Variants in WBP2NL observed in about 807,000 individuals in gnomAD.
The protein encoded by WBP2NL is WBP2 N-terminal like.
WBP2NL carries 27 observed loss-of-function variants against 23.3 expected under a neutral mutation model. The observed-to-expected ratio is 1.16, with a 90% CI of 0.85 to 1.60. The LOEUF (loss-of-function observed/expected upper bound fraction) is 1.60, where lower values mean the gene tolerates loss of function less well. Among genes scored for constraint, WBP2NL ranks in the 40% most tolerant of loss-of-function variants. The probability of loss-of-function intolerance (pLI) is 0.00; values close to 1 mark genes in which losing one functional copy is unlikely to be tolerated. For synonymous variants in WBP2NL, 151 were observed against 145.9 expected, an observed-to-expected ratio of 1.03 and a Z score of -0.25; for missense variants, 370 against 389.5, an observed-to-expected ratio of 0.95 and a Z score of 0.42.
At chr22:42,057,808 G>A (rs1339230277) in intron 8 of WBP2NL, among the ~76,000 whole-genome samples, 3 of 115,280 alleles carry the variant, frequency 2.6e-5, no homozygotes, top group African/African-American at 6.6e-5. Flanking sequence ...TTTTTAGATA[G>A]GAAAATTGTA....
downstream of WBP2NL, among the ~76,000 whole-genome samples, chr22:42,034,510 C>A (rs1473596505): frequency 6.6e-6 from 1 of 152,184 alleles, no homozygotes; most frequent in East Asian, 1.9e-4. Flanking sequence ...CAAGTGGAGG[C>A]AGGGTGAGAT....
Position 42,027,924 on chromosome 22 carries a change from T to C in WBP2NL, c.*743T>C. ...AAGGCAATAGCATGGCCAGAAAACGTTTGAAAAGATGTTCAGCTTGACTAG... is the reference window on the plus strand; with the variant it reads ...AAGGCAATAGCATGGCCAGAAAACGCTTGAAAAGATGTTCAGCTTGACTAG... On this transcript the variant is annotated 3_prime_UTR_variant, in exon 6 of 6. Transcript: ENST00000328823. 1 of 398,372 alleles carries C rather than the reference T, an allele frequency of 2.5e-6. No homozygotes were observed. Among genetic ancestry groups the C allele is most frequent in the Non-Finnish European group, 4.4e-6 (1 of 225,970 alleles). The allele number at this position is 398,372 out of a possible 1,614,324, so 24.7% of individuals were successfully genotyped here.
intron 8 of WBP2NL, among the ~76,000 whole-genome samples, chr22:42,038,721 G>T (rs2146814610): frequency 6.6e-6 from 1 of 151,926 alleles, no homozygotes; most frequent in South Asian, 2.1e-4. Context: ...TCCTGCCTCA[G>T]CCTCCCGAGT....
chr22:42,013,115 G>A (rs1259022947), intron 1 of WBP2NL, among the ~76,000 whole-genome samples: 7 of 152,022 alleles, frequency 4.6e-5, no homozygotes, highest in Non-Finnish European at 1.0e-4. Context: ...GCTTATGCCT[G>A]TAATCCCAGC....
At chr22:42,008,847 T>C (rs1012747881) in intron 1 of WBP2NL, among the ~76,000 whole-genome samples, 1 of 151,736 alleles carries the variant, frequency 6.6e-6, no homozygotes, top group African/African-American at 2.4e-5. Context: ...GGCACGATCT[T>C]GGCTGACTGC....
chr22:42,050,984 C>T (rs2146824544), intron 8 of WBP2NL, among the ~76,000 whole-genome samples: 1 of 152,254 alleles, frequency 6.6e-6, no homozygotes, highest in South Asian at 2.1e-4. Flanking sequence ...CAATTGTGCT[C>T]CTTGGTATTT....
chr22:42,014,292 C>T (rs1040120502), intron 1 of WBP2NL, among the ~76,000 whole-genome samples: 4 of 152,112 alleles, frequency 2.6e-5, no homozygotes, highest in East Asian at 1.9e-4. Context: ...GTGGTACAGT[C>T]GTGGCTCACT....
intron 8 of WBP2NL, among the ~76,000 whole-genome samples, chr22:42,048,888 A>G (rs1925706899): frequency 1.3e-5 from 2 of 152,218 alleles, no homozygotes; most frequent in Admixed American, 1.3e-4. Context: ...CTGTGGTGGC[A>G]AATGAGATGC....
intron 1 of WBP2NL, among the ~76,000 whole-genome samples, chr22:42,007,531 A>G (rs1168045904): frequency 6.6e-6 from 1 of 152,146 alleles, no homozygotes; most frequent in Admixed American, 6.6e-5. Context: ...TTTCCCAACA[A>G]TTCTGTTCCC....
intron 1 of WBP2NL, among the ~76,000 whole-genome samples, chr22:42,016,248 T>C (rs1164572579): frequency 6.6e-6 from 1 of 152,160 alleles, no homozygotes; most frequent in African/African-American, 2.4e-5. Context: ...CCCAAAGTGC[T>C]GAGATTACAG....
chr22:42,036,469 C>T (rs182932519), downstream of WBP2NL, among the ~76,000 whole-genome samples: 35 of 152,292 alleles, frequency 2.3e-4, no homozygotes, highest in Admixed American at 1.9e-3. Context: ...CCACCGTGCC[C>T]GGCCATGTGT....
downstream of WBP2NL, chr22:42,030,633 T>C (rs1390015078): frequency 6.6e-6 from 1 of 152,258 alleles, no homozygotes; most frequent in Non-Finnish European, 1.5e-5. Context: ...ACATGGGTCA[T>C]AGGATCTGGC....
chr22:42,048,861 A>G (rs1462149101), intron 8 of WBP2NL, among the ~76,000 whole-genome samples: 1 of 152,136 alleles, frequency 6.6e-6, no homozygotes, highest in Non-Finnish European at 1.5e-5. Context: ...TAAAAACCCT[A>G]CAGGTGACAT....
intron 8 of WBP2NL, among the ~76,000 whole-genome samples, chr22:42,052,133 G>C (rs1043793243): frequency 5.9e-5 from 9 of 152,026 alleles, no homozygotes; most frequent in African/African-American, 2.2e-4. Flanking sequence ...AGTGCAGATG[G>C]CTTTGTTCCA....
chr22:42,053,828 C>A (rs961648676), intron 8 of WBP2NL, among the ~76,000 whole-genome samples: 2 of 152,038 alleles, frequency 1.3e-5, no homozygotes, highest in Non-Finnish European at 2.9e-5. Flanking sequence ...TATTCAAATT[C>A]TTTGTCTATT....
At chr22:42,009,226 A>G (rs1321619192) in intron 1 of WBP2NL, among the ~76,000 whole-genome samples, 2 of 152,242 alleles carry the variant, frequency 1.3e-5, no homozygotes, top group Non-Finnish European at 2.9e-5. Context: ...AGCCCTTATC[A>G]TAAATACAAT....
intron 5 of WBP2NL, among the ~76,000 whole-genome samples, chr22:42,025,806 C>T (rs1189598440): frequency 1.3e-5 from 2 of 151,922 alleles, no homozygotes; most frequent in African/African-American, 4.8e-5. Flanking sequence ...GGAATGTAAC[C>T]CAAGGTAATA....
chr22:42,015,662 C>G (rs555149938), intron 1 of WBP2NL, among the ~76,000 whole-genome samples: 2 of 152,124 alleles, frequency 1.3e-5, no homozygotes, highest in African/African-American at 4.8e-5. Flanking sequence ...CTCAGCCTTC[C>G]GAAGTGCTAG....
chr22:42,017,256 C>T (rs1486625351), intron 1 of WBP2NL, among the ~76,000 whole-genome samples: 1 of 152,196 alleles, frequency 6.6e-6, no homozygotes, highest in Non-Finnish European at 1.5e-5. Flanking sequence ...GCTGAGATTA[C>T]AGGCATGTAC....
Sources: gnomAD v4.1 joint callset for allele counts (sites outside exome capture counted in the v4.1 genomes callset) on GRCh38, gnomAD v4.1.1 for gene constraint, MANE v1.5 for transcripts, NCBI Gene and HGNC (gene_info 2026-07-23, HGNC 2026-07-21) for gene names.